The following DGKI variants were observed in gnomAD, a reference collection of about 807,000 sequenced individuals.
The protein encoded by DGKI is diacylglycerol kinase iota.
In DGKI, 55 loss-of-function variants were observed where a neutral mutation model predicts 147.5. That is an observed-to-expected ratio of 0.37 (90% CI 0.30 to 0.47). The LOEUF (loss-of-function observed/expected upper bound fraction) is 0.47, where lower values mean the gene tolerates loss of function less well. Ranked by LOEUF, DGKI falls within the 20% of genes least tolerant of loss-of-function variation. The probability of loss-of-function intolerance (pLI) is 1.00; values close to 1 mark genes in which losing one functional copy is unlikely to be tolerated. For missense variants in DGKI, 1,007 were observed against 1,323.8 expected (o/e 0.76, Z 3.71); for synonymous variants, 469 against 477.1 (o/e 0.98, Z 0.22).
At chr7:137,428,700 A>G (rs1167447231) in intron 28 of DGKI, among the ~76,000 whole-genome samples, 17 of 152,286 alleles carry the variant, frequency 1.1e-4, no homozygotes, top group Admixed American at 3.9e-4. Context: ...CAACTTCAGC[A>G]AAGTCTCAGG....
chr7:137,809,814 G>GGATA (rs561776986), intron 1 of DGKI, among the ~76,000 whole-genome samples: 104 of 152,080 alleles, frequency 6.8e-4, no homozygotes, highest in Middle Eastern at 3.4e-3. Context: ...TGAGGTGAGA[G>GGATA]GATAACTTGA....
At chr7:137,678,034 G>A (rs1048120121) in intron 3 of DGKI, among the ~76,000 whole-genome samples, 1 of 152,162 alleles carries the variant, frequency 6.6e-6, no homozygotes. Context: ...CAATTGACCT[G>A]ACTGTTGATT....
intron 1 of DGKI, among the ~76,000 whole-genome samples, chr7:137,710,030 G>A (rs1794167244): frequency 6.6e-6 from 1 of 151,340 alleles, no homozygotes; most frequent in Non-Finnish European, 1.5e-5. Flanking sequence ...ATAGAGAAGA[G>A]AAAAAAGGTA....
At chr7:137,406,200 A>G (rs531879736) in intron 30 of DGKI, among the ~76,000 whole-genome samples, 15 of 152,264 alleles carry the variant, frequency 9.9e-5, no homozygotes, top group African/African-American at 3.4e-4. Flanking sequence ...TTTAAACCTG[A>G]GCTAAACAAA....
chr7:137,664,413 A>T (rs144945102), intron 3 of DGKI, among the ~76,000 whole-genome samples: 1,831 of 151,726 alleles, frequency 0.012, 46 homozygotes, highest in African/African-American at 0.043. Flanking sequence ...GAAAGAAAGA[A>T]AAAAAAGGAA....
At chr7:137,468,303 A>T (rs112583488) in intron 24 of DGKI, among the ~76,000 whole-genome samples, 118 of 149,774 alleles carry the variant, frequency 7.9e-4, no homozygotes, top group African/African-American at 2.1e-3. Context: ...TAAAGGTTTT[A>T]TTTTATTAAA....
At chr7:137,422,807 T>C (rs1301900545) in intron 28 of DGKI, among the ~76,000 whole-genome samples, 1 of 151,924 alleles carries the variant, frequency 6.6e-6, no homozygotes, top group Admixed American at 6.6e-5. Context: ...GTTTTAACCA[T>C]GTTAGCCAGG....
At chr7:137,821,878 G>A (rs1358350142) in intron 1 of DGKI, among the ~76,000 whole-genome samples, 1 of 152,096 alleles carries the variant, frequency 6.6e-6, no homozygotes, top group Non-Finnish European at 1.5e-5. Context: ...TGAAGGTGAG[G>A]GTGTGAGGAG....
At chr7:137,471,380 C>T (rs78039529) in intron 23 of DGKI, among the ~76,000 whole-genome samples, 6,408 of 152,222 alleles carry the variant, frequency 0.042, 349 homozygotes, top group East Asian at 0.12. Flanking sequence ...GAGAAGAAAA[C>T]AGGAATAACA....
chr7:137,746,649 T>C (rs1344020560), intron 1 of DGKI, among the ~76,000 whole-genome samples: 4 of 152,316 alleles, frequency 2.6e-5, no homozygotes, highest in Middle Eastern at 3.4e-3. Flanking sequence ...GCTTGATTTA[T>C]TCCCTATGGC....
chr7:137,563,504 A>T (rs1818485013), intron 19 of DGKI, among the ~76,000 whole-genome samples: 1 of 152,034 alleles, frequency 6.6e-6, no homozygotes, highest in Admixed American at 6.5e-5. Context: ...TATTTCAAAC[A>T]ATATAATTGT....
chr7:137,478,053 A>G (rs1815238516), intron 23 of DGKI, among the ~76,000 whole-genome samples: 1 of 152,222 alleles, frequency 6.6e-6, no homozygotes, highest in African/African-American at 2.4e-5. Flanking sequence ...AAAAATGCGC[A>G]CCATAAAGGT....
At chr7:137,453,655 C>A (rs1023197656) in intron 27 of DGKI, among the ~76,000 whole-genome samples, 1 of 152,022 alleles carries the variant, frequency 6.6e-6, no homozygotes, top group Non-Finnish European at 1.5e-5. Flanking sequence ...TCAGGGAATG[C>A]CAAGCAGCCT....
chr7:137,497,319 C>T (rs1252023151), intron 21 of DGKI, among the ~76,000 whole-genome samples: 3 of 151,956 alleles, frequency 2.0e-5, no homozygotes, highest in African/African-American at 4.8e-5. Context: ...GTGGAGAAAA[C>T]GGAGTGCTTA....
intron 1 of DGKI, among the ~76,000 whole-genome samples, chr7:137,725,805 G>C (rs533518698): frequency 5.9e-5 from 9 of 152,168 alleles, no homozygotes; most frequent in Non-Finnish European, 1.3e-4. Context: ...ACCAAATTGG[G>C]AGTTTTACAT....
intron 1 of DGKI, among the ~76,000 whole-genome samples, chr7:137,754,462 TTTCC>T (rs1795618177): frequency 6.6e-6 from 1 of 152,162 alleles, no homozygotes; most frequent in Non-Finnish European, 1.5e-5. Context: ...CAGCTCAGGG[TTTCC>T]CACCAACCTG....
At chr7:137,546,515 T>C (rs1309746357) in intron 20 of DGKI, among the ~76,000 whole-genome samples, 1 of 152,222 alleles carries the variant, frequency 6.6e-6, no homozygotes, top group Non-Finnish European at 1.5e-5. Flanking sequence ...AAAGGCTTTT[T>C]AAAAACTCCA....
At chr7:137,765,041 C>G (rs1164550764) in intron 1 of DGKI, among the ~76,000 whole-genome samples, 1 of 152,226 alleles carries the variant, frequency 6.6e-6, no homozygotes, top group Non-Finnish European at 1.5e-5. Context: ...TCTCCTGAGA[C>G]ATGCTTCCAG....
intron 1 of DGKI, among the ~76,000 whole-genome samples, chr7:137,781,051 A>G (rs1210554322): frequency 6.6e-6 from 1 of 152,248 alleles, no homozygotes; most frequent in Non-Finnish European, 1.5e-5. Flanking sequence ...ACATGATAGC[A>G]TCTAGGCTTG....
Sources: allele counts gnomAD v4.1 joint callset (sites outside exome capture counted in the v4.1 genomes callset), GRCh38; gene constraint gnomAD v4.1.1; transcripts MANE v1.5; gene names NCBI Gene and HGNC (gene_info 2026-07-23, HGNC 2026-07-21).